The following RERE variants were observed in gnomAD, a reference collection of about 807,000 sequenced individuals.
RERE encodes the protein arginine-glutamic acid dipeptide repeats protein.
RERE carries 40 observed loss-of-function variants against 146.1 expected under a neutral mutation model. The ratio of observed to expected loss-of-function variants is 0.27; its 90% CI spans 0.21 to 0.36. The LOEUF (loss-of-function observed/expected upper bound fraction) is 0.36. RERE is among the 10% of genes least tolerant of loss of function. The pLI is 1.00. For synonymous variants in RERE, 1,003 were observed against 866.0 expected (o/e 1.16, Z -2.78); for missense variants, 1,933 against 2,138.7 (o/e 0.90, Z 1.90).
intron 1 of RERE, among the ~76,000 whole-genome samples, chr1:8,662,710 AAAAG>A (rs769704146): frequency 1.3e-5 from 2 of 152,014 alleles, no homozygotes; most frequent in East Asian, 1.9e-4. Flanking sequence ...AAAAAACAAA[AAAAG>A]AAAACCACTT....
intron 7 of RERE, among the ~76,000 whole-genome samples, chr1:8,531,643 A>C (rs1422729082): frequency 6.6e-6 from 1 of 152,186 alleles, no homozygotes; most frequent in African/African-American, 2.4e-5. Context: ...GTTTCAGAGG[A>C]AAAAGTTTCC....
chr1:8,420,782 G>A (rs1643899564), intron 12 of RERE, among the ~76,000 whole-genome samples: 1 of 152,204 alleles, frequency 6.6e-6, no homozygotes, highest in Non-Finnish European at 1.5e-5. Flanking sequence ...AACTGTGAAG[G>A]CGGAGGAGTG....
chr1:8,404,942 A>T (rs2124447793), intron 12 of RERE, among the ~76,000 whole-genome samples: 1 of 152,286 alleles, frequency 6.6e-6, no homozygotes, highest in African/African-American at 2.4e-5. Flanking sequence ...GGAGAGATGA[A>T]GCCCCTGGTC....
chr1:8,580,772 G>C (rs1000184), intron 4 of RERE, among the ~76,000 whole-genome samples: 34,292 of 152,008 alleles, frequency 0.23, 5,555 homozygotes, highest in East Asian at 0.76. Context: ...GTACAGTGTG[G>C]TGTGATCTCG....
At position 8,360,887 on chromosome 1, in the gene RERE, G is replaced by C; in HGVS notation, c.2620C>G (p.Leu874Val). Residue 874 changes from leucine (L) to valine (V), a missense_variant, in exon 18 of 23, where the codon CTC (leucine) becomes GTC (valine). By Grantham distance (32) the Leu-to-Val change is conservative. Transcript: ENST00000400908. The part of the protein sequence containing the change: ...QHPGPPQPFG[L>V]PPQASQGQAP... ...TGGCCTTGGGAGGCCTGGGGAGGGAGGCCAAAGGGCTGTGGGGGGCCTGGG... is the reference window on the plus strand; with the variant it reads ...TGGCCTTGGGAGGCCTGGGGAGGGACGCCAAAGGGCTGTGGGGGGCCTGGG... 19 of 1,515,346 alleles carry C rather than the reference G, an allele frequency of 1.3e-5. No homozygotes were observed. Among genetic ancestry groups the C allele is most frequent in the Non-Finnish European group, 1.7e-5 (19 of 1,137,910 alleles). The allele number at this position is 1,515,346 out of a possible 1,614,324, so 93.9% of individuals were successfully genotyped here.
At chr1:8,395,776 C>T (rs1262409300) in intron 12 of RERE, among the ~76,000 whole-genome samples, 1 of 152,118 alleles carries the variant, frequency 6.6e-6, no homozygotes, top group African/African-American at 2.4e-5. Context: ...AAACCAAAAC[C>T]ACCACCATGC....
chr1:8,398,380 T>A (rs528984910), intron 12 of RERE, among the ~76,000 whole-genome samples: 1 of 152,330 alleles, frequency 6.6e-6, no homozygotes, highest in South Asian at 2.1e-4. Flanking sequence ...CTCTCCTGTG[T>A]GCTTTGCTCA....
At chr1:8,538,854 G>C (rs1570409360) in intron 7 of RERE, among the ~76,000 whole-genome samples, 1 of 152,192 alleles carries the variant, frequency 6.6e-6, no homozygotes, top group Non-Finnish European at 1.5e-5. Context: ...TCATGTCTCT[G>C]TGTTCCTTAT....
At chr1:8,669,814 T>G (rs1049388231) in intron 1 of RERE, among the ~76,000 whole-genome samples, 1 of 152,180 alleles carries the variant, frequency 6.6e-6, no homozygotes, top group Admixed American at 6.5e-5. Flanking sequence ...TCAAAGTAAT[T>G]TGCAACCATG....
At chr1:8,687,484 G>A (rs753891344) in intron 1 of RERE, among the ~76,000 whole-genome samples, 6 of 152,132 alleles carry the variant, frequency 3.9e-5, no homozygotes, top group African/African-American at 7.2e-5. Flanking sequence ...TCCATTTGAC[G>A]TTTATTAACC....
rs1032536224 is a variant in RERE at position 8,504,560 on chromosome 1, A to T, written c.879+4067T>A. The stretch of plus-strand genomic sequence containing the variant: ...CCTAATAAAATAATGGATCTAAGAA[A>T]TAATCAGTGGTGGCCAGGCGCGGTG... On this transcript the variant is annotated intron_variant, in intron 8 of 22. Coordinates refer to ENST00000400908, the MANE Select transcript of RERE (RefSeq NM_001042681.2). Among the ~76,000 whole-genome samples, 3 of 152,238 alleles carry T rather than the reference A, an allele frequency of 2.0e-5. 1 individual carries two copies. The highest frequency in any genetic ancestry group is 7.2e-5 in the African/African-American group (3 of 41,460).
At position 8,750,295 on chromosome 1, in the gene RERE, G is replaced by A. The variant is rs753358689; in HGVS notation, c.-145+66865C>T. The A allele has an allele frequency of 1.3e-5, 7 of 553,518 alleles. No individual in the cohort carries two copies. The African/African-American group carries it at 1.3e-4, about 10-fold the overall frequency. The allele number at this position is 553,518 out of a possible 1,614,324, so 34.3% of individuals were successfully genotyped here. A position where few individuals can be genotyped will look rare whatever the true frequency, so the allele number is the denominator to read the frequency against. ...AATAAATGAATGCTTCAATATCAAGGTAACGGAAGATGAGGGCTAAGACTT... is the reference window on the plus strand; with the variant it reads ...AATAAATGAATGCTTCAATATCAAGATAACGGAAGATGAGGGCTAAGACTT... On this transcript the variant is annotated intron_variant, in intron 1 of 22. Coordinates refer to ENST00000400908, the MANE Select transcript of RERE (RefSeq NM_001042681.2).
chr1:8,533,429 T>A (rs1269820353), intron 7 of RERE, among the ~76,000 whole-genome samples: 1 of 152,234 alleles, frequency 6.6e-6, no homozygotes, highest in Admixed American at 6.5e-5. Flanking sequence ...TCTTCCGATA[T>A]TTCTGACGGT....
rs920564308 is a variant in RERE, at chr1:8,480,411, T to G, written c.1105-14388A>C. ...CCTTGGCCTCCCAAAATGCTGAGAT[T>G]ACAGACCTGAGCCACCAGGCCCGGA... On this transcript the variant is annotated intron_variant, in intron 10 of 22. Transcript: ENST00000400908. Among the ~76,000 whole-genome samples the G allele has an allele frequency of 2.0e-4, 30 of 150,500 alleles. No homozygotes were observed. The East Asian group carries it at 4.5e-3, about 22-fold the overall frequency.
rs574104599 is a variant in RERE, at chr1:8,485,089, C to T, written c.1104+9974G>A. 2.4e-3 allele frequency among the ~76,000 whole-genome samples: 363 copies of T among 152,214 alleles called. 2 individuals carry two copies. Among genetic ancestry groups the T allele is most frequent in the African/African-American group, 8.3e-3 (345 of 41,536 alleles). ...TACTATTAAGAATGTGGGCCGGATC[C>T]GGTGGCTTACTCCTGTAACCCCAGC... On this transcript the variant is annotated intron_variant, in intron 10 of 22. Coordinates refer to ENST00000400908, the MANE Select transcript of RERE (RefSeq NM_001042681.2).
chr1:8,673,547 G>C (rs973134344), intron 1 of RERE, among the ~76,000 whole-genome samples: 1 of 152,130 alleles, frequency 6.6e-6, no homozygotes, highest in African/African-American at 2.4e-5. Flanking sequence ...AAAAGAGAAT[G>C]TCTTCAAGTC....
At chr1:8,493,369 A>T (rs74050204) in intron 10 of RERE, among the ~76,000 whole-genome samples, 1 of 152,212 alleles carries the variant, frequency 6.6e-6, no homozygotes, top group African/African-American at 2.4e-5. Flanking sequence ...AATCAGTGAC[A>T]ATGTACACAA....
At chr1:8,761,440 T>C (rs182780519) in intron 1 of RERE, among the ~76,000 whole-genome samples, 174 of 152,304 alleles carry the variant, frequency 1.1e-3, no homozygotes, top group Non-Finnish European at 2.1e-3. Context: ...CTTCCTCAAA[T>C]CAGTTTGTCC....
intron 1 of RERE, among the ~76,000 whole-genome samples, chr1:8,680,090 C>CA (rs1290598090): frequency 1.3e-5 from 2 of 152,056 alleles, no homozygotes; most frequent in Non-Finnish European, 2.9e-5. Context: ...GGTAGGGGTG[C>CA]AAGAGATTCT....
Sources: gnomAD v4.1 joint callset for allele counts (sites outside exome capture counted in the v4.1 genomes callset) on GRCh38, gnomAD v4.1.1 for gene constraint, MANE v1.5 for transcripts, NCBI Gene and HGNC (gene_info 2026-07-23, HGNC 2026-07-21) for gene names.